KIAA0930: variants seen among roughly 807,000 people sequenced by gnomAD.
KIAA0930 encodes the protein uncharacterized protein KIAA0930.
KIAA0930 carries 24 observed loss-of-function variants against 43.9 expected under a neutral mutation model. That is an observed-to-expected ratio of 0.55 (90% CI 0.40 to 0.77). The LOEUF (loss-of-function observed/expected upper bound fraction) is 0.77, where lower values mean the gene tolerates loss of function less well. Among genes scored for constraint, KIAA0930 ranks in the 30% least tolerant of loss-of-function variants. The probability of loss-of-function intolerance (pLI) is 0.00; values close to 1 mark genes in which losing one functional copy is unlikely to be tolerated. For synonymous variants in KIAA0930, 259 were observed against 216.4 expected, an observed-to-expected ratio of 1.20 and a Z score of -1.73; for missense variants, 461 against 574.2, an observed-to-expected ratio of 0.80 and a Z score of 2.02.
At chr22:45,212,444 C>A in intron 1 of KIAA0930, 1 of 1,478,744 alleles carries the variant, frequency 6.8e-7, no homozygotes, top group Non-Finnish European at 9.0e-7. Context: ...CACTGGCTGG[C>A]TGGTGTCTGG....
chr22:45,205,903 G>A lies in KIAA0930; in HGVS notation c.226C>T (p.Pro76Ser). The change falls in exon 3 of 10, where the codon CCT becomes TCT. Residue 76 changes from proline (P) to serine (S), a missense_variant. Pro to Ser is a moderately conservative substitution (Grantham distance 74, BLOSUM62 -1). Coordinates refer to ENST00000336156, the MANE Select transcript of KIAA0930 (RefSeq NM_001009880.2). ...SGADGRKAAE[P>S]EVEVEVYRRD... The stretch of plus-strand genomic sequence containing the variant: ...CGGTACACCTCCACCTCCACCTCAG[G>A]CTCAGCTGCCTGCGAGGCCCAGAGC... 2 of 1,613,242 alleles carry A rather than the reference G, an allele frequency of 1.2e-6. No individual in the cohort carries two copies. Among genetic ancestry groups the A allele is most frequent in the Non-Finnish European group, 1.7e-6 (2 of 1,179,978 alleles).
intron 1 of KIAA0930, chr22:45,226,127 AG>A: frequency 4.9e-6 from 2 of 406,958 alleles, no homozygotes; most frequent in Non-Finnish European, 1.0e-5. Context: ...GCGTTCAGAG[AG>A]CACGCGGCAG....
rs2083520069 is a variant in KIAA0930, at chr22:45,194,626, T to C, written c.*2550A>G. ...TCTGGCCCTGCCACTTGTTACTCTA[T>C]TACTTTATTCCACATGTCATCTGTT... is the stretch of plus-strand genomic sequence containing the variant. On this transcript the variant is annotated 3_prime_UTR_variant, in exon 10 of 10. Transcript: ENST00000336156. 2 of 152,232 alleles carry C rather than the reference T, an allele frequency of 1.3e-5. No individual in the cohort carries two copies. Among genetic ancestry groups the C allele is most frequent in the Non-Finnish European group, 1.5e-5 (1 of 68,040 alleles). 9.4% of individuals were successfully genotyped at this position (152,232 alleles called of 1,614,324 possible). A position where few individuals can be genotyped will look rare whatever the true frequency, so the allele number is the denominator to read the frequency against.
In KIAA0930 at chr22:45,197,005, G is replaced by A; in HGVS notation, c.*171C>T. The A allele has an allele frequency of 1.8e-6, 1 of 571,084 alleles. No individual in the cohort carries two copies. The highest frequency in any genetic ancestry group is 3.1e-6 in the Non-Finnish European group (1 of 325,386). The allele number at this position is 571,084 out of a possible 1,614,324, so 35.4% of individuals were successfully genotyped here. A position where few individuals can be genotyped will look rare whatever the true frequency, so the allele number is the denominator to read the frequency against. On this transcript the variant is annotated 3_prime_UTR_variant, in exon 10 of 10. Transcript: ENST00000336156. ...GGGGAGGGAAGAGGCACTTCAGTTT[G>A]GGCTGGTGTTCGTGGAGTCGGCCCC...
At chr22:45,205,609 G>A (rs1247358106) in intron 4 of KIAA0930, 21 bp downstream of exon 4, 7 of 1,611,486 alleles carry the variant, frequency 4.3e-6, no homozygotes, top group East Asian at 2.2e-5. Context: ...GGAGGCTGGG[G>A]GCTCTCGTGC....
chr22:45,225,830 G>T (rs2083796136), intron 1 of KIAA0930, among the ~76,000 whole-genome samples: 1 of 152,248 alleles, frequency 6.6e-6, no homozygotes, highest in African/African-American at 2.4e-5. Flanking sequence ...TCTTCACAAA[G>T]ATCCTGAGAG....
At chr22:45,238,164 G>A (rs2147770368) in intron 1 of KIAA0930, among the ~76,000 whole-genome samples, 1 of 151,770 alleles carries the variant, frequency 6.6e-6, no homozygotes, top group East Asian at 1.9e-4. Flanking sequence ...CTGACCTCAT[G>A]ATCCGCCCGC....
intron 1 of KIAA0930, among the ~76,000 whole-genome samples, chr22:45,227,619 G>A (rs1193033461): frequency 5.3e-5 from 8 of 152,128 alleles, no homozygotes; most frequent in African/African-American, 1.4e-4. Context: ...TCACGTCACC[G>A]GGCTGTCACT....
At chr22:45,223,478 G>A (rs552908403) in intron 1 of KIAA0930, among the ~76,000 whole-genome samples, 46 of 152,276 alleles carry the variant, frequency 3.0e-4, no homozygotes, top group Admixed American at 1.1e-3. Context: ...TTGTAAAATG[G>A]CAGTAACAAT....
intron 1 of KIAA0930, among the ~76,000 whole-genome samples, chr22:45,231,674 CAG>C (rs962364293): frequency 4.6e-5 from 7 of 152,114 alleles, no homozygotes; most frequent in Admixed American, 6.5e-5. Flanking sequence ...TACACTCAGA[CAG>C]GGGTAAAAAC....
intron 7 of KIAA0930, among the ~76,000 whole-genome samples, chr22:45,201,274 C>A (rs1046104116): frequency 3.3e-5 from 5 of 152,240 alleles, no homozygotes; most frequent in Non-Finnish European, 5.9e-5. Flanking sequence ...TAATAGCAGG[C>A]GCACAGGCGG....
At chr22:45,201,453 G>A (rs2083588052) in intron 7 of KIAA0930, among the ~76,000 whole-genome samples, 1 of 152,216 alleles carries the variant, frequency 6.6e-6, no homozygotes, top group South Asian at 2.1e-4. Context: ...CTAGTGACCT[G>A]TAGTCACTCA....
intron 1 of KIAA0930, chr22:45,226,421 G>T: frequency 2.3e-6 from 1 of 430,122 alleles, no homozygotes; most frequent in Non-Finnish European, 4.9e-6. Flanking sequence ...ACCTCAAGGT[G>T]CCTTGCATGG....
At chr22:45,221,548 T>C (rs1159475812) in intron 1 of KIAA0930, among the ~76,000 whole-genome samples, 1 of 152,246 alleles carries the variant, frequency 6.6e-6, no homozygotes, top group Admixed American at 6.5e-5. Flanking sequence ...ATGATCATTT[T>C]GTTCAATGCT....
At chr22:45,217,906 G>A (rs1286821329) in intron 1 of KIAA0930, among the ~76,000 whole-genome samples, 1 of 152,192 alleles carries the variant, frequency 6.6e-6, no homozygotes, top group Non-Finnish European at 1.5e-5. Context: ...CTCCAGAACT[G>A]GAAGAGCCCT....
chr22:45,198,433 C>T (rs1265085247), intron 8 of KIAA0930, among the ~76,000 whole-genome samples: 1 of 152,188 alleles, frequency 6.6e-6, no homozygotes, highest in Non-Finnish European at 1.5e-5. Flanking sequence ...CGGGAACGGG[C>T]CCAGGTGGGG....
At chr22:45,234,906 G>C (rs1472151513) in intron 1 of KIAA0930, among the ~76,000 whole-genome samples, 1 of 152,194 alleles carries the variant, frequency 6.6e-6, no homozygotes, top group East Asian at 1.9e-4. Context: ...AAGATCAGAG[G>C]GCAGGACTTT....
intron 1 of KIAA0930, among the ~76,000 whole-genome samples, chr22:45,237,767 G>A (rs532827088): frequency 6.6e-6 from 1 of 152,312 alleles, no homozygotes; most frequent in South Asian, 2.1e-4. Flanking sequence ...TGAGAGTGTT[G>A]ATGATTCAGT....
chr22:45,210,826 C>CTGCCTGCCCGAGTGT (rs1555898917), intron 2 of KIAA0930, among the ~76,000 whole-genome samples: 17 of 151,746 alleles, frequency 1.1e-4, no homozygotes, highest in South Asian at 6.2e-4. Context: ...CCTGCACACC[C>CTGCCTGCCCGAGTGT]GCCACTGAAA....
Sources: gnomAD v4.1 joint callset for allele counts (sites outside exome capture counted in the v4.1 genomes callset) on GRCh38, gnomAD v4.1.1 for gene constraint, MANE v1.5 for transcripts, NCBI Gene and HGNC (gene_info 2026-07-23, HGNC 2026-07-21) for gene names.